Variants in NUP210L observed in about 807,000 individuals in gnomAD.
NUP210L encodes nuclear pore membrane glycoprotein 210-like.
In NUP210L, 74 loss-of-function variants were observed where a neutral mutation model predicts 208.5. The ratio of observed to expected loss-of-function variants is 0.35; its 90% confidence interval spans 0.29 to 0.43. The LOEUF is 0.43. Ranked by LOEUF, NUP210L falls within the 20% of genes least tolerant of loss-of-function variation. The pLI, the probability that NUP210L is intolerant of heterozygous loss-of-function variation, is 1.00. For missense variants in NUP210L, 1,843 were observed against 2,289.4 expected, an observed-to-expected ratio of 0.81 and a Z score of 3.98; for synonymous variants, 780 against 816.9, an observed-to-expected ratio of 0.95 and a Z score of 0.77.
chr1:154,126,571 A>C, intron 9 of NUP210L, 108 bp from the exon 10 acceptor site: 1 of 947,646 alleles, frequency 1.1e-6, no homozygotes, highest in East Asian at 2.6e-5. Context: ...CATGGAATAA[A>C]GAGATAAAAA....
At chr1:154,106,606 T>C (rs981914060) in intron 12 of NUP210L, among the ~76,000 whole-genome samples, 2 of 152,168 alleles carry the variant, frequency 1.3e-5, no homozygotes, top group Non-Finnish European at 2.9e-5. Context: ...CTAGTGGTGG[T>C]GGCCACAGAG....
intron 10 of NUP210L, among the ~76,000 whole-genome samples, chr1:154,125,450 G>A (rs142739291): frequency 3.3e-5 from 5 of 149,984 alleles, no homozygotes; most frequent in African/African-American, 4.9e-5. Context: ...ACTCTGCCTC[G>A]AAAAACTAAA....
intron 35 of NUP210L, among the ~76,000 whole-genome samples, chr1:154,007,715 G>A (rs1190697685): frequency 1.3e-5 from 2 of 151,846 alleles, no homozygotes; most frequent in Non-Finnish European, 2.9e-5. Context: ...TGGGACTACA[G>A]GCGCCTGCCA....
At chr1:154,152,033 T>G (rs1486930228) in intron 2 of NUP210L, among the ~76,000 whole-genome samples, 2 of 127,870 alleles carry the variant, frequency 1.6e-5, no homozygotes, top group African/African-American at 6.1e-5. Context: ...GAGGTTACAG[T>G]GAGCCAAGAT....
At chr1:154,127,995 C>T (rs1361265806) in intron 8 of NUP210L, among the ~76,000 whole-genome samples, 1 of 152,082 alleles carries the variant, frequency 6.6e-6, no homozygotes, top group Non-Finnish European at 1.5e-5. Flanking sequence ...TTCTGAGTAG[C>T]TGGGACTACA....
Position 154,058,728 on chromosome 1 carries a change from C to G in NUP210L, c.2851-35G>C, listed in dbSNP as rs1285393012. 2.5e-6 allele frequency: 4 copies of G among 1,605,060 alleles called. No individual in the cohort carries two copies. The Admixed American group carries it at 6.8e-5, about 27-fold the overall frequency. On this transcript the variant is annotated intron_variant, in intron 20 of 39. Transcript: ENST00000368559. ...AGAAGATGGTAGCTGGATAAAGAAGCAAACATGCTCCAAGCATAATCAAAG... is the reference window on the plus strand; with the variant it reads ...AGAAGATGGTAGCTGGATAAAGAAGGAAACATGCTCCAAGCATAATCAAAG...
intron 32 of NUP210L, among the ~76,000 whole-genome samples, chr1:154,021,451 C>T (rs1207147086): frequency 2.0e-5 from 3 of 151,764 alleles, no homozygotes; most frequent in African/African-American, 7.3e-5. Context: ...CATGTCACTG[C>T]CCACTGCCCT....
rs77653541 is a variant in NUP210L at position 154,118,665 on chromosome 1, C to T, written c.1464+6G>A. ...TCTCCTTGTGAAGCCTTATAGGACA[C>T]CATACCTGTACTTTATAACGATATA... On this transcript the variant is annotated splice_donor_region_variant and intron_variant, in intron 11 of 39. Transcript: ENST00000368559. 4 of 1,552,986 alleles carry T rather than the reference C, an allele frequency of 2.6e-6. No individual in the cohort carries two copies. Among genetic ancestry groups the T allele is most frequent in the Non-Finnish European group, 3.5e-6 (4 of 1,146,828 alleles).
At chr1:154,093,884 G>T (rs1193744361) in intron 15 of NUP210L, among the ~76,000 whole-genome samples, 4 of 151,848 alleles carry the variant, frequency 2.6e-5, no homozygotes, top group African/African-American at 7.3e-5. Flanking sequence ...GGTGTAGTGC[G>T]TCATGCCTAT....
intron 23 of NUP210L, among the ~76,000 whole-genome samples, chr1:154,055,457 G>A (rs558694130): frequency 6.6e-6 from 1 of 151,940 alleles, no homozygotes; most frequent in Non-Finnish European, 1.5e-5. Flanking sequence ...CACCATGTTG[G>A]CCAGGCTGGT....
At chr1:153,995,260 T>G in intron 37 of NUP210L, 80 bp from the exon 38 acceptor site, 1 of 1,058,748 alleles carries the variant, frequency 9.4e-7, no homozygotes, top group Non-Finnish European at 1.4e-6. Context: ...ATTTAATTTT[T>G]TTTGAGACAG....
intron 25 of NUP210L, among the ~76,000 whole-genome samples, chr1:154,049,522 C>T (rs906032585): frequency 1.3e-5 from 2 of 152,248 alleles, no homozygotes; most frequent in East Asian, 3.9e-4. Context: ...GGTTAACAGA[C>T]AAGCCAATTT....
chr1:154,044,907 G>C (rs1022604687), intron 27 of NUP210L, among the ~76,000 whole-genome samples: 1 of 151,978 alleles, frequency 6.6e-6, no homozygotes, highest in Non-Finnish European at 1.5e-5. Context: ...TCAGGTTTCA[G>C]TGTGAGGTTT....
chr1:154,121,677 G>A (rs1657621138), intron 10 of NUP210L, among the ~76,000 whole-genome samples: 1 of 152,048 alleles, frequency 6.6e-6, no homozygotes, highest in African/African-American at 2.4e-5. Flanking sequence ...GACCAGTCTG[G>A]CCAACATAGT....
intron 33 of NUP210L, among the ~76,000 whole-genome samples, chr1:154,018,079 C>G: frequency 6.6e-6 from 1 of 151,816 alleles, no homozygotes; most frequent in East Asian, 1.9e-4. Flanking sequence ...TCAAGAGATT[C>G]TCGTGCTTCA....
chr1:154,031,898 A>T (rs925196098), intron 27 of NUP210L, among the ~76,000 whole-genome samples: 1 of 151,032 alleles, frequency 6.6e-6, no homozygotes, highest in African/African-American at 2.4e-5. Context: ...AATTAAAAAA[A>T]ATTTTTTTTT....
chr1:154,152,819 G>A, exon 2 of NUP210L: 1 of 1,613,804 alleles, frequency 6.2e-7, no homozygotes, highest in Non-Finnish European at 8.5e-7. Flanking sequence ...GGAACACAAG[G>A]TGCCATTTTC....
At chr1:154,016,867 G>A (rs890031620) in intron 33 of NUP210L, among the ~76,000 whole-genome samples, 66 of 152,254 alleles carry the variant, frequency 4.3e-4, no homozygotes, top group African/African-American at 1.4e-3. Flanking sequence ...TAGGGAGGCT[G>A]CAGTGGGAGG....
intron 33 of NUP210L, among the ~76,000 whole-genome samples, chr1:154,013,840 C>T (rs1651101251): frequency 6.6e-6 from 1 of 152,156 alleles, no homozygotes; most frequent in Non-Finnish European, 1.5e-5. Context: ...TTTCGGCTCA[C>T]TGCAGCCTCT....
Sources: allele counts gnomAD v4.1 joint callset (sites outside exome capture counted in the v4.1 genomes callset), GRCh38; gene constraint gnomAD v4.1.1; transcripts MANE v1.5; gene names NCBI Gene and HGNC (gene_info 2026-07-23, HGNC 2026-07-21).